PTPRO: variants seen among roughly 807,000 people sequenced by gnomAD.
PTPRO encodes the protein receptor-type tyrosine-protein phosphatase O.
A neutral mutation model predicts 145.2 loss-of-function variants in PTPRO; 62 were observed. The observed-to-expected ratio is 0.43, with a 90% CI of 0.35 to 0.53. The LOEUF is 0.53. Ranked by LOEUF, PTPRO falls within the 20% of genes least tolerant of loss-of-function variation. The pLI is 0.01. For synonymous variants in PTPRO, 565 were observed against 514.7 expected, an observed-to-expected ratio of 1.10 and a Z score of -1.32; for missense variants, 1,345 against 1,482.7, an observed-to-expected ratio of 0.91 and a Z score of 1.53.
intron 12 of PTPRO, among the ~76,000 whole-genome samples, chr12:15,531,918 G>A (rs1942969910): frequency 6.6e-6 from 1 of 152,106 alleles, no homozygotes. Flanking sequence ...GTTATTACAT[G>A]TGTTCATATT....
rs2300289 is a variant in PTPRO at position 15,581,866 on chromosome 12, G to A, written c.3255+65G>A. On this transcript the variant is annotated intron_variant, in intron 23 of 26. Transcript: ENST00000281171. ...GACACCTGCTGAGACCAGTTTGGTC[G>A]GGGAGACCCTAACCCAGCGGCGCTA... The A allele has an allele frequency of 0.2, 313,836 of 1,605,544 alleles. 31,731 individuals carry two copies. Among genetic ancestry groups the A allele is most frequent in the Middle Eastern group, 0.27 (1,595 of 5,986 alleles).
intron 1 of PTPRO, among the ~76,000 whole-genome samples, chr12:15,401,357 C>T (rs1939487300): frequency 6.6e-6 from 1 of 152,164 alleles, no homozygotes; most frequent in Non-Finnish European, 1.5e-5. Flanking sequence ...TAATTGACAG[C>T]TGTACTACTG....
chr12:15,366,178 G>A (rs1414774864), intron 1 of PTPRO, among the ~76,000 whole-genome samples: 1 of 152,150 alleles, frequency 6.6e-6, no homozygotes, highest in Non-Finnish European at 1.5e-5. Context: ...TGTTCCTTGT[G>A]ATATTTCCAT....
At chr12:15,342,643 T>C (rs1161735438) in intron 1 of PTPRO, among the ~76,000 whole-genome samples, 4 of 152,212 alleles carry the variant, frequency 2.6e-5, no homozygotes, top group Non-Finnish European at 5.9e-5. Flanking sequence ...AGTGGGGCTT[T>C]GCTGTGGAAC....
chr12:15,468,218 A>G (rs1325703177), intron 1 of PTPRO, among the ~76,000 whole-genome samples: 1 of 152,136 alleles, frequency 6.6e-6, no homozygotes, highest in Non-Finnish European at 1.5e-5. Flanking sequence ...TTCCAATAAA[A>G]CTTTCCACCC....
chr12:15,577,929 C>T (rs558616224), intron 19 of PTPRO, among the ~76,000 whole-genome samples: 23 of 152,300 alleles, frequency 1.5e-4, no homozygotes, highest in African/African-American at 4.8e-4. Context: ...ATCCCCCTTT[C>T]CCCATAACAT....
chr12:15,385,441 T>C (rs1428616860), intron 1 of PTPRO, among the ~76,000 whole-genome samples: 1 of 152,100 alleles, frequency 6.6e-6, no homozygotes, highest in Non-Finnish European at 1.5e-5. Flanking sequence ...CAGAAAGGTA[T>C]ACACTTGGCC....
At chr12:15,437,355 G>T (rs914522157) in intron 1 of PTPRO, among the ~76,000 whole-genome samples, 2 of 151,790 alleles carry the variant, frequency 1.3e-5, no homozygotes, top group African/African-American at 4.8e-5. Context: ...GGCTCTCTCT[G>T]CTCCACACCC....
chr12:15,349,230 G>T, intron 1 of PTPRO, among the ~76,000 whole-genome samples: 1 of 152,038 alleles, frequency 6.6e-6, no homozygotes, highest in Non-Finnish European at 1.5e-5. Flanking sequence ...TTTTAAGATG[G>T]GTCCTTAAGT....
intron 1 of PTPRO, among the ~76,000 whole-genome samples, chr12:15,367,444 A>G (rs1471410548): frequency 1.3e-5 from 2 of 152,228 alleles, no homozygotes; most frequent in East Asian, 3.9e-4. Flanking sequence ...AATAAAGCAA[A>G]TTAGCTAGTA....
chr12:15,362,566 A>G (rs547843853), intron 1 of PTPRO, among the ~76,000 whole-genome samples: 1 of 152,318 alleles, frequency 6.6e-6, no homozygotes, highest in Admixed American at 6.5e-5. Flanking sequence ...ATATTTACAG[A>G]AAATATTCTC....
intron 1 of PTPRO, among the ~76,000 whole-genome samples, chr12:15,371,462 A>C (rs1948112635): frequency 6.6e-6 from 1 of 152,042 alleles, no homozygotes; most frequent in Admixed American, 6.6e-5. Flanking sequence ...TGAACTCCTG[A>C]CCTCAGGTGA....
chr12:15,513,287 GGA>G (rs1349428580), intron 7 of PTPRO, among the ~76,000 whole-genome samples: 1 of 29,740 alleles, frequency 3.4e-5, no homozygotes, highest in African/African-American at 7.6e-5. Flanking sequence ...AGGGAGGGAA[GGA>G]AGGAAGGAAG....
intron 1 of PTPRO, among the ~76,000 whole-genome samples, chr12:15,434,987 G>A (rs556150906): frequency 1.3e-5 from 2 of 152,260 alleles, no homozygotes; most frequent in African/African-American, 4.8e-5. Context: ...GCTGCAGGGC[G>A]TAGTCCTAAC....
At chr12:15,493,216 C>T (rs1020127122) in intron 2 of PTPRO, among the ~76,000 whole-genome samples, 2 of 152,122 alleles carry the variant, frequency 1.3e-5, no homozygotes, top group Non-Finnish European at 2.9e-5. Flanking sequence ...GAGGAAAATA[C>T]CTGTCTACCT....
In PTPRO at chr12:15,525,180, T is replaced by C. The variant is rs374254369; in HGVS notation, c.2043+215T>C. On this transcript the variant is annotated intron_variant, in intron 11 of 26. Transcript: ENST00000281171. ...CAGTGAGATGTAAGAGCTCCAACTA[T>C]TGATTTCATTTATATTTAGAATTAT... 1.6e-3 allele frequency among the ~76,000 whole-genome samples: 250 copies of C among 152,326 alleles called. 1 individual carries two copies. Among genetic ancestry groups the C allele is most frequent in the African/African-American group, 5.9e-3 (245 of 41,576 alleles).
At chr12:15,578,052 T>C (rs1367279435) in intron 19 of PTPRO, among the ~76,000 whole-genome samples, 1 of 152,240 alleles carries the variant, frequency 6.6e-6, no homozygotes, top group Non-Finnish European at 1.5e-5. Flanking sequence ...GATGTTCTTA[T>C]TCTCACTGAA....
chr12:15,362,433 A>C (rs1938238548), intron 1 of PTPRO, among the ~76,000 whole-genome samples: 1 of 152,222 alleles, frequency 6.6e-6, no homozygotes, highest in Non-Finnish European at 1.5e-5. Flanking sequence ...TAATTCCATT[A>C]TTACAAGTTC....
rs7303245 is a variant in PTPRO, at chr12:15,431,071, A to G, written c.76-52903A>G. ...TTGAACTTCTAGTCACTCAGGGGAC[A>G]GAATGGTTACCATTTGTTGTCCTAA... On this transcript the variant is annotated intron_variant, in intron 1 of 26. Transcript: ENST00000281171. 6.5e-3 allele frequency among the ~76,000 whole-genome samples: 983 copies of G among 152,392 alleles called. 5 individuals carry two copies. The highest frequency in any genetic ancestry group is 0.013 in the Admixed American group (197 of 15,310).
Sources: gnomAD v4.1 joint callset for allele counts (sites outside exome capture counted in the v4.1 genomes callset) on GRCh38, gnomAD v4.1.1 for gene constraint, MANE v1.5 for transcripts, NCBI Gene and HGNC (gene_info 2026-07-23, HGNC 2026-07-21) for gene names.